CST8: variants seen among roughly 807,000 people sequenced by gnomAD.
CST8 encodes cystatin-8.
Under a neutral mutation model 11.8 loss-of-function variants are expected in CST8, and 20 were observed. The ratio of observed to expected loss-of-function variants is 1.70; its 90% CI spans 1.20 to 2.47. The LOEUF (loss-of-function observed/expected upper bound fraction) is 2.47, where lower values mean the gene tolerates loss of function less well. CST8 is among the 30% of genes most tolerant of loss of function. The pLI, the probability that CST8 is intolerant of heterozygous loss-of-function variation, is 0.00. For missense variants in CST8, 196 were observed against 167.2 expected (o/e 1.17, Z -0.95); for synonymous variants, 77 against 63.1 (o/e 1.22, Z -1.05).
chr20:23,503,964 C>T, the CST8 span, among the ~76,000 whole-genome samples: 7 of 152,338 alleles, frequency 4.6e-5, no homozygotes, highest in East Asian at 1.4e-3. Context: ...GAGCATGGAA[C>T]AGACTGGAGT....
At chr20:23,495,354 T>C (rs1988010477) in intron 3 of CST8, among the ~76,000 whole-genome samples, 1 of 152,184 alleles carries the variant, frequency 6.6e-6, no homozygotes, top group Admixed American at 6.5e-5. Context: ...ATTCTGTTTT[T>C]AGTTCTTTGA....
At chr20:23,491,480 G>C (rs1987876798) in intron 1 of CST8, 45 bp from the exon 2 acceptor site, 2 of 600,010 alleles carry the variant, frequency 3.3e-6, no homozygotes, top group African/African-American at 1.9e-5. Context: ...GAGAAAGAGA[G>C]GACAAACCCC....
At chr20:23,496,370 C>T (rs1988047966), downstream of CST8, among the ~76,000 whole-genome samples, 1 of 152,002 alleles carries the variant, frequency 6.6e-6, no homozygotes, top group African/African-American at 2.4e-5. Flanking sequence ...CGGCAGGTTC[C>T]ATGATGCCCC....
At chr20:23,500,280 C>T (rs567455062), downstream of CST8, among the ~76,000 whole-genome samples, 3 of 152,222 alleles carry the variant, frequency 2.0e-5, no homozygotes, top group South Asian at 6.2e-4. Context: ...AGGTGTTGAC[C>T]CTGCTGGGAC....
intron 3 of CST8, among the ~76,000 whole-genome samples, chr20:23,493,780 G>A (rs898503245): frequency 1.3e-5 from 2 of 152,218 alleles, no homozygotes; most frequent in African/African-American, 2.4e-5. Flanking sequence ...TGCCCAACAG[G>A]TGCATCACTG....
chr20:23,491,534 C>T lies in CST8; in HGVS notation c.-134C>T, dbSNP rs539060420. ...CCTGTCTTGAATCCAGCTGGGCTGA[C>T]GCTAACAGGAGGCAGTGTGTGGCTC... is the stretch of plus-strand genomic sequence containing the variant. On this transcript the variant is annotated 5_prime_UTR_variant, in exon 2 of 4. The change creates a new upstream start codon in the 5' untranslated region. Coordinates refer to ENST00000246012, the MANE Select transcript of CST8 (RefSeq NM_005492.4). 78 of 706,366 alleles carry T rather than the reference C, an allele frequency of 1.1e-4. No homozygotes were observed. In the South Asian group the frequency reaches 1.1e-3, roughly 10 times the overall value. 43.8% of individuals were successfully genotyped at this position (706,366 alleles called of 1,614,324 possible).
At chr20:23,505,799 A>G in the CST8 span, among the ~76,000 whole-genome samples, 1 of 152,152 alleles carries the variant, frequency 6.6e-6, no homozygotes, top group Non-Finnish European at 1.5e-5. Flanking sequence ...CCCATCCTGG[A>G]CGCACTGACT....
At chr20:23,501,226 C>G in the CST8 span, among the ~76,000 whole-genome samples, 9 of 152,202 alleles carry the variant, frequency 5.9e-5, no homozygotes, top group African/African-American at 2.2e-4. Context: ...TACGACTCCT[C>G]CAGTTCTCCT....
chr20:23,501,671 A>G, the CST8 span, among the ~76,000 whole-genome samples: 1 of 152,350 alleles, frequency 6.6e-6, no homozygotes, highest in African/African-American at 2.4e-5. Context: ...GACACTGCGA[A>G]TGTACTATTT....
the CST8 span, among the ~76,000 whole-genome samples, chr20:23,505,480 A>G: frequency 6.6e-6 from 1 of 151,880 alleles, no homozygotes; most frequent in Non-Finnish European, 1.5e-5. Context: ...CTAAATGGAC[A>G]AAGATATATG....
intron 3 of CST8, among the ~76,000 whole-genome samples, chr20:23,494,773 T>C (rs1420952098): frequency 6.6e-6 from 1 of 152,226 alleles, no homozygotes; most frequent in African/African-American, 2.4e-5. Flanking sequence ...GCCCTAGAAT[T>C]TTCTAAATTG....
At chr20:23,495,700 C>T (rs144557566) in intron 3 of CST8, 131 bp from the exon 4 acceptor site, 20 of 673,044 alleles carry the variant, frequency 3.0e-5, no homozygotes, top group African/African-American at 2.0e-4. Flanking sequence ...CCTGGGAGCT[C>T]GCTCGAGAGT....
At chr20:23,493,254 C>A (rs1384999871) in intron 3 of CST8, among the ~76,000 whole-genome samples, 183 bp downstream of exon 3, 5 of 152,154 alleles carry the variant, frequency 3.3e-5, no homozygotes, top group Non-Finnish European at 7.3e-5. Context: ...ACCCTCTGAG[C>A]TTCTTTCTCA....
At chr20:23,505,830 G>C in the CST8 span, among the ~76,000 whole-genome samples, 1 of 152,166 alleles carries the variant, frequency 6.6e-6, no homozygotes, top group Admixed American at 6.5e-5. Context: ...ATTTTAATGA[G>C]ATCCCAGGTG....
chr20:23,493,331 C>T (rs1987948604), intron 3 of CST8, among the ~76,000 whole-genome samples: 1 of 152,124 alleles, frequency 6.6e-6, no homozygotes, highest in Non-Finnish European at 1.5e-5. Context: ...TGACTTCTGG[C>T]CTTTTGATGC....
the CST8 span, among the ~76,000 whole-genome samples, chr20:23,501,491 T>C: frequency 6.6e-6 from 1 of 152,308 alleles, no homozygotes; most frequent in South Asian, 2.1e-4. Context: ...GCACGCCTCC[T>C]CAGACACCTA....
chr20:23,505,609 G>A, the CST8 span, among the ~76,000 whole-genome samples: 5 of 152,178 alleles, frequency 3.3e-5, no homozygotes, highest in Non-Finnish European at 4.4e-5. Context: ...GTGGGGTTGA[G>A]CATGGGGCCA....
At chr20:23,500,178 G>A (rs1018705375), downstream of CST8, among the ~76,000 whole-genome samples, 5 of 152,200 alleles carry the variant, frequency 3.3e-5, no homozygotes, top group Admixed American at 6.5e-5. Context: ...ATCTACCCAA[G>A]CACCTCCCAC....
At chr20:23,495,724 T>A in intron 3 of CST8, 107 bp from the exon 4 acceptor site, 2 of 822,882 alleles carry the variant, frequency 2.4e-6, no homozygotes, top group Non-Finnish European at 4.0e-6. Context: ...GACCCATCTG[T>A]CAGCACACAC....
Sources: allele counts gnomAD v4.1 joint callset (sites outside exome capture counted in the v4.1 genomes callset), GRCh38; gene constraint gnomAD v4.1.1; transcripts MANE v1.5; gene names NCBI Gene and HGNC (gene_info 2026-07-23, HGNC 2026-07-21).